Variants in TENM2 observed in about 807,000 individuals in gnomAD.
TENM2 encodes the protein teneurin-2.
A neutral mutation model predicts 245.2 loss-of-function variants in TENM2; 52 were observed. The observed-to-expected ratio is 0.21, with a 90% confidence interval of 0.17 to 0.27. TENM2 has a LOEUF of 0.27. TENM2 is among the 10% of genes least tolerant of loss of function. TENM2 has a pLI of 1.00. For missense variants in TENM2, 3,046 were observed against 3,666.8 expected, an observed-to-expected ratio of 0.83 and a Z score of 4.37; for synonymous variants, 1,363 against 1,438.9, an observed-to-expected ratio of 0.95 and a Z score of 1.19.
intron 5 of TENM2, among the ~76,000 whole-genome samples, chr5:168,001,169 T>C (rs1784394568): frequency 6.6e-6 from 1 of 152,094 alleles, no homozygotes; most frequent in Non-Finnish European, 1.5e-5. Context: ...TAAGGGGAGG[T>C]TTTTGGTTTC....
intron 2 of TENM2, among the ~76,000 whole-genome samples, chr5:167,383,767 C>T (rs1016241873): frequency 6.7e-6 from 1 of 148,614 alleles, no homozygotes; most frequent in East Asian, 2.0e-4. Flanking sequence ...TATAAATGTA[C>T]CTTCATTTTC....
chr5:167,494,833 TA>T (rs1305870972), intron 2 of TENM2, among the ~76,000 whole-genome samples: 4 of 152,082 alleles, frequency 2.6e-5, no homozygotes, highest in Non-Finnish European at 1.5e-5. Context: ...TGACCCCAGA[TA>T]AAAACACTAG....
At chr5:167,237,082 A>G in the TENM2 span, among the ~76,000 whole-genome samples, 1 of 152,174 alleles carries the variant, frequency 6.6e-6, no homozygotes, top group African/African-American at 2.4e-5. Context: ...CTGGATCAAC[A>G]AATATCTTGT....
At chr5:167,906,963 T>G (rs1227721202) in intron 3 of TENM2, among the ~76,000 whole-genome samples, 3 of 152,218 alleles carry the variant, frequency 2.0e-5, no homozygotes, top group Non-Finnish European at 2.9e-5. Context: ...CCGGGCGCAG[T>G]GGCTCACGCC....
chr5:166,979,194 CCAGCAGCAGCAGCAGCAGCAGCAGCAG>C, the TENM2 span, among the ~76,000 whole-genome samples: 16 of 142,132 alleles, frequency 1.1e-4, no homozygotes, highest in South Asian at 6.8e-4. Flanking sequence ...AGCACCACCA[CCAGCAGCAGCAGCAGCAGCAGCAGCAG>C]CAGCAGCAGC....
intron 1 of TENM2, among the ~76,000 whole-genome samples, chr5:167,337,324 C>G (rs1757840075): frequency 6.6e-6 from 1 of 152,006 alleles, no homozygotes; most frequent in Admixed American, 6.6e-5. Context: ...TAATTATTCA[C>G]CTTTATTAAG....
chr5:167,881,557 C>T (rs561847522), intron 3 of TENM2, among the ~76,000 whole-genome samples: 65 of 152,296 alleles, frequency 4.3e-4, no homozygotes, highest in African/African-American at 1.5e-3. Context: ...CAAGTGCAAA[C>T]ATCATTCACT....
the TENM2 span, among the ~76,000 whole-genome samples, chr5:167,247,064 G>A: frequency 6.6e-6 from 1 of 152,158 alleles, no homozygotes; most frequent in South Asian, 2.1e-4. Context: ...ATCAATAAAA[G>A]GATGTCAATA....
intron 2 of TENM2, among the ~76,000 whole-genome samples, chr5:167,668,860 C>T (rs74891074): frequency 0.018 from 2,805 of 152,054 alleles, 91 homozygotes; most frequent in African/African-American, 0.064. Context: ...AGGCTGAGGC[C>T]GGAGAATCAC....
Position 168,216,929 on chromosome 5 carries a change from CTCTT to C in TENM2, c.4233+12_4233+15del, listed in dbSNP as rs751622623. On this transcript the variant is annotated splice_region_variant and intron_variant, in intron 22 of 28. Coordinates refer to ENST00000518659, the Ensembl canonical transcript of TENM2. ...CAGCATGGATGTAGCCCAGGTGAGA[CTCTT>C]TCTTATTTCTCTTCACTAAGCAACA... The C allele has an allele frequency of 6.2e-7, 1 of 1,613,432 alleles. No homozygotes were observed. The highest frequency in any genetic ancestry group is 1.1e-5 in the South Asian group (1 of 90,956).
chr5:167,059,374 CA>C, the TENM2 span, among the ~76,000 whole-genome samples: 1 of 152,126 alleles, frequency 6.6e-6, no homozygotes, highest in Admixed American at 6.5e-5. Context: ...CCTATTCACC[CA>C]TATAAACCTA....
chr5:167,143,254 C>G, the TENM2 span, among the ~76,000 whole-genome samples: 1 of 152,192 alleles, frequency 6.6e-6, no homozygotes, highest in East Asian at 1.9e-4. Context: ...GAGACAATAG[C>G]TATAAAATGG....
chr5:167,493,434 A>G (rs555285471), intron 2 of TENM2, among the ~76,000 whole-genome samples: 1 of 152,286 alleles, frequency 6.6e-6, no homozygotes, highest in East Asian at 1.9e-4. Context: ...GCAAATGACT[A>G]AATTTCTCTG....
intron 1 of TENM2, among the ~76,000 whole-genome samples, chr5:167,315,098 C>T (rs1251001608): frequency 6.6e-6 from 1 of 151,944 alleles, no homozygotes; most frequent in Non-Finnish European, 1.5e-5. Context: ...GAAACATTTT[C>T]ATATACATTT....
At chr5:167,310,760 T>C (rs1755986046) in intron 1 of TENM2, among the ~76,000 whole-genome samples, 1 of 152,220 alleles carries the variant, frequency 6.6e-6, no homozygotes, top group Non-Finnish European at 1.5e-5. Context: ...ACATACAAGT[T>C]ATAGGCTGGA....
At chr5:167,816,232 A>G (rs1767046141) in intron 2 of TENM2, among the ~76,000 whole-genome samples, 1 of 152,100 alleles carries the variant, frequency 6.6e-6, no homozygotes, top group Admixed American at 6.6e-5. Context: ...ATGGAGCCAC[A>G]TTCTACTCCC....
rs1395153519 is a variant in TENM2 at position 167,879,796 on chromosome 5, AG to A, written c.712+3602del. On this transcript the variant is annotated intron_variant, in intron 3 of 28. Transcript: ENST00000518659. ...ATCTTGGTAGATCTTATGTGGCAAA[AG>A]AGCTGTCCCAGTCAGAGAGTCTCTG... Among the ~76,000 whole-genome samples, 3 of 152,286 alleles carry A rather than the reference AG, an allele frequency of 2.0e-5. No individual in the cohort carries two copies. In the East Asian group the frequency reaches 5.8e-4, roughly 30 times the overall value.
the TENM2 span, among the ~76,000 whole-genome samples, chr5:167,064,483 T>G: frequency 6.6e-6 from 1 of 152,218 alleles, no homozygotes; most frequent in Admixed American, 6.5e-5. Context: ...CACATATCTT[T>G]ACTTAAAAAT....
chr5:167,242,469 T>A, the TENM2 span, among the ~76,000 whole-genome samples: 22 of 152,104 alleles, frequency 1.4e-4, no homozygotes, highest in African/African-American at 5.1e-4. Context: ...TTGAAGAACA[T>A]GGGTTTGAAC....
Sources: gnomAD v4.1 joint callset for allele counts (sites outside exome capture counted in the v4.1 genomes callset) on GRCh38, gnomAD v4.1.1 for gene constraint, MANE v1.5 for transcripts, NCBI Gene and HGNC (gene_info 2026-07-23, HGNC 2026-07-21) for gene names.